Variants in MCC observed in about 807,000 individuals in gnomAD.
MCC encodes colorectal mutant cancer protein.
Under a neutral mutation model 116.2 loss-of-function variants are expected in MCC, and 90 were observed. The ratio of observed to expected loss-of-function variants is 0.77; its 90% CI spans 0.65 to 0.92. MCC has a LOEUF of 0.92. Ranked by LOEUF, MCC falls within the 40% of genes least tolerant of loss-of-function variation. The probability of loss-of-function intolerance (pLI) is 0.00; values close to 1 mark genes in which losing one functional copy is unlikely to be tolerated. For missense variants in MCC, 1,516 were observed against 1,312.2 expected (o/e 1.16, Z -2.40); for synonymous variants, 578 against 510.5 (o/e 1.13, Z -1.78).
intron 1 of MCC, among the ~76,000 whole-genome samples, chr5:113,443,082 C>A (rs1561575501): frequency 2.0e-5 from 3 of 152,186 alleles, no homozygotes; most frequent in African/African-American, 7.2e-5. Flanking sequence ...CTATAAATTA[C>A]TTTGGGCAGT....
At chr5:113,222,555 C>A (rs1222431984) in intron 3 of MCC, among the ~76,000 whole-genome samples, 1 of 152,112 alleles carries the variant, frequency 6.6e-6, no homozygotes, top group Admixed American at 6.5e-5. Context: ...TATCCAAAGT[C>A]ACAAAGCCAA....
At chr5:113,471,892 C>T (rs1477228850) in intron 1 of MCC, among the ~76,000 whole-genome samples, 5 of 152,026 alleles carry the variant, frequency 3.3e-5, no homozygotes, top group Admixed American at 2.6e-4. Flanking sequence ...CTTGCTGCCG[C>T]CTTGCAGTTT....
chr5:113,356,118 A>G (rs1464163), intron 2 of MCC, among the ~76,000 whole-genome samples: 68,062 of 148,156 alleles, frequency 0.46, 16,948 homozygotes, highest in African/African-American at 0.65. Context: ...GCTAGAATGC[A>G]GTGGTACAAT....
At chr5:113,177,391 G>A (rs1372724553) in intron 3 of MCC, among the ~76,000 whole-genome samples, 1 of 152,182 alleles carries the variant, frequency 6.6e-6, no homozygotes, top group Middle Eastern at 3.2e-3. Flanking sequence ...TAAACCAGGC[G>A]TTGGAGGTCA....
intron 3 of MCC, among the ~76,000 whole-genome samples, chr5:113,187,666 A>G (rs768290316): frequency 2.0e-4 from 30 of 151,726 alleles, no homozygotes; most frequent in Non-Finnish European, 4.3e-4. Context: ...GAGGCGAGAG[A>G]ATGGCGTGAA....
chr5:113,370,968 A>T (rs1768823582), intron 2 of MCC, among the ~76,000 whole-genome samples: 1 of 152,212 alleles, frequency 6.6e-6, no homozygotes, highest in African/African-American at 2.4e-5. Context: ...TGCATATCCC[A>T]GCACTTTGGG....
At chr5:113,064,276 G>T in intron 13 of MCC, 109 bp from the exon 14 acceptor site, 1 of 1,039,528 alleles carries the variant, frequency 9.6e-7, no homozygotes, top group Non-Finnish European at 1.4e-6. Flanking sequence ...GTGGCACTGT[G>T]GAAGGGAATT....
At chr5:113,339,048 C>T (rs914322516) in intron 3 of MCC, among the ~76,000 whole-genome samples, 5 of 132,466 alleles carry the variant, frequency 3.8e-5, no homozygotes, top group Admixed American at 7.9e-5. Flanking sequence ...TGGTGAAAAC[C>T]CTGTCTCTAC....
chr5:113,067,184 G>C (rs6874727), intron 13 of MCC, among the ~76,000 whole-genome samples: 1 of 151,454 alleles, frequency 6.6e-6, no homozygotes. Flanking sequence ...TGCAGATCTC[G>C]AGGTACAGGT....
intron 17 of MCC, among the ~76,000 whole-genome samples, chr5:113,031,451 C>G (rs566991766): frequency 6.6e-6 from 1 of 151,776 alleles, no homozygotes; most frequent in Non-Finnish European, 1.5e-5. Flanking sequence ...AGCAGTCCTC[C>G]TCCAGCGGAG....
intron 1 of MCC, among the ~76,000 whole-genome samples, chr5:113,467,341 C>T (rs1021724416): frequency 1.3e-5 from 2 of 149,634 alleles, no homozygotes; most frequent in Admixed American, 6.7e-5. Context: ...GTCTTTAATC[C>T]ATCCTGAATT....
rs937488287 is a variant in MCC at position 113,318,995 on chromosome 5, T to A, written c.627+21524A>T. The stretch of plus-strand genomic sequence containing the variant: ...GATCCTCCTACCTCAGCCTTCTGAG[T>A]AGCTGGAACTACAAGACACACGCCA... On this transcript the variant is annotated intron_variant, in intron 3 of 18. Coordinates refer to ENST00000408903, the MANE Select transcript of MCC (RefSeq NM_001085377.2). Among the ~76,000 whole-genome samples, 5 of 152,018 alleles carry A rather than the reference T, an allele frequency of 3.3e-5. 1 individual carries two copies. The highest frequency in any genetic ancestry group is 3.3e-4 in the Admixed American group (5 of 15,260).
chr5:113,381,595 T>C (rs1043102668), intron 2 of MCC, among the ~76,000 whole-genome samples: 20 of 152,200 alleles, frequency 1.3e-4, no homozygotes, highest in African/African-American at 4.8e-4. Flanking sequence ...GAGACTATCC[T>C]GGACAACATA....
intron 3 of MCC, among the ~76,000 whole-genome samples, chr5:113,316,601 C>A (rs1348166030): frequency 6.6e-6 from 1 of 152,174 alleles, no homozygotes; most frequent in Non-Finnish European, 1.5e-5. Context: ...AATCTGCAAT[C>A]TCTACCTTTA....
intron 2 of MCC, among the ~76,000 whole-genome samples, chr5:113,379,153 G>A (rs1444883113): frequency 6.6e-6 from 1 of 152,188 alleles, no homozygotes; most frequent in Non-Finnish European, 1.5e-5. Flanking sequence ...CTGGGTGGCA[G>A]TGTTATTTTC....
intron 3 of MCC, among the ~76,000 whole-genome samples, chr5:113,267,679 C>T (rs1335826059): frequency 6.6e-6 from 1 of 152,214 alleles, no homozygotes; most frequent in African/African-American, 2.4e-5. Flanking sequence ...ATTTCCAGAA[C>T]AGGCACATCT....
Position 113,044,382 on chromosome 5 carries a change from A to G in MCC, c.2656-752T>C, listed in dbSNP as rs1199135406. The G allele has an allele frequency of 9.3e-6, 5 of 538,692 alleles. No individual in the cohort carries two copies. The Admixed American group carries it at 1.9e-4, about 21-fold the overall frequency. 33.4% of individuals were successfully genotyped at this position (538,692 alleles called of 1,614,324 possible). ...TGCTCCAAATCCTATAGTTAAGACTATTCAAAGCAGTGACCATGCCTGAGT... is the reference window on the plus strand; with the variant it reads ...TGCTCCAAATCCTATAGTTAAGACTGTTCAAAGCAGTGACCATGCCTGAGT... On this transcript the variant is annotated intron_variant, in intron 16 of 18. Transcript: ENST00000408903.
chr5:113,424,204 T>C (rs1011488314), intron 1 of MCC, among the ~76,000 whole-genome samples: 1 of 149,686 alleles, frequency 6.7e-6, no homozygotes, highest in Non-Finnish European at 1.5e-5. Flanking sequence ...AGCTTTGTTA[T>C]GCCTCGCCCT....
intron 3 of MCC, among the ~76,000 whole-genome samples, chr5:113,262,454 C>G (rs1038037942): frequency 3.3e-5 from 5 of 152,146 alleles, no homozygotes; most frequent in African/African-American, 1.2e-4. Context: ...ACCTTTTATG[C>G]CTTTGTCTTC....
Sources: gnomAD v4.1 joint callset for allele counts (sites outside exome capture counted in the v4.1 genomes callset) on GRCh38, gnomAD v4.1.1 for gene constraint, MANE v1.5 for transcripts, NCBI Gene and HGNC (gene_info 2026-07-23, HGNC 2026-07-21) for gene names.